The following PTPRT variants were observed in gnomAD, a reference collection of about 807,000 sequenced individuals.
The protein encoded by PTPRT is protein tyrosine phosphatase receptor type T, also known as receptor-type tyrosine-protein phosphatase T.
A neutral mutation model predicts 176.8 loss-of-function variants in PTPRT; 56 were observed. The observed-to-expected ratio is 0.32, with a 90% CI of 0.26 to 0.40. The LOEUF is 0.40. Among genes scored for constraint, PTPRT ranks in the 10% least tolerant of loss-of-function variants. The pLI is 1.00. For synonymous variants in PTPRT, 783 were observed against 739.0 expected (o/e 1.06, Z -0.96); for missense variants, 1,540 against 1,908.2 (o/e 0.81, Z 3.60).
chr20:42,292,532 C>T (rs1360537666), intron 12 of PTPRT, among the ~76,000 whole-genome samples: 4 of 151,950 alleles, frequency 2.6e-5, no homozygotes, highest in Non-Finnish European at 5.9e-5. Context: ...TTTTTTCTCA[C>T]AAGATTAAAT....
chr20:42,346,059 G>C (rs1312684008), intron 11 of PTPRT, among the ~76,000 whole-genome samples: 2 of 152,174 alleles, frequency 1.3e-5, no homozygotes, highest in Non-Finnish European at 2.9e-5. Context: ...GCTGCAGCAA[G>C]CACTCCAGCA....
intron 11 of PTPRT, among the ~76,000 whole-genome samples, chr20:42,327,080 G>GGGGT (rs1279798484): frequency 3.4e-5 from 5 of 146,332 alleles, no homozygotes; most frequent in African/African-American, 7.5e-5. Context: ...ACTAGGTAGG[G>GGGGT]GTGTGTGTGT....
chr20:42,935,746 CTTCTA>C (rs545149419), intron 1 of PTPRT, among the ~76,000 whole-genome samples: 157 of 152,198 alleles, frequency 1.0e-3, no homozygotes, highest in African/African-American at 3.7e-3. Flanking sequence ...CCAGTCTATT[CTTCTA>C]TTCTATTCTA....
At chr20:43,003,383 C>A (rs1984691050) in intron 1 of PTPRT, among the ~76,000 whole-genome samples, 1 of 152,018 alleles carries the variant, frequency 6.6e-6, no homozygotes, top group South Asian at 2.1e-4. Flanking sequence ...AGACTAGGGG[C>A]CGGTGGGAGG....
chr20:42,160,484 C>T (rs1300510715), intron 17 of PTPRT, among the ~76,000 whole-genome samples: 1 of 93,288 alleles, frequency 1.1e-5, no homozygotes, highest in Non-Finnish European at 2.0e-5. Context: ...AATTGTTCTG[C>T]AAAATAAAAG....
chr20:42,538,688 A>G (rs572537051), intron 7 of PTPRT, among the ~76,000 whole-genome samples: 1 of 152,314 alleles, frequency 6.6e-6, no homozygotes, highest in Admixed American at 6.5e-5. Context: ...ATGCTCTCAT[A>G]CATTCCTCTT....
intron 6 of PTPRT, among the ~76,000 whole-genome samples, chr20:42,714,395 T>G (rs2076192659): frequency 6.6e-6 from 1 of 152,162 alleles, no homozygotes; most frequent in Admixed American, 6.5e-5. Flanking sequence ...ACTTATTATT[T>G]ATGTACAAAT....
chr20:42,512,945 C>T (rs562887807), intron 7 of PTPRT, among the ~76,000 whole-genome samples: 7 of 152,154 alleles, frequency 4.6e-5, no homozygotes, highest in Admixed American at 1.3e-4. Context: ...CCACAACCTC[C>T]GCCTCCTGGG....
At chr20:42,724,587 C>G (rs78815223) in intron 6 of PTPRT, among the ~76,000 whole-genome samples, 1,770 of 152,310 alleles carry the variant, frequency 0.012, 36 homozygotes, top group African/African-American at 0.041. Flanking sequence ...TTGTCCCTGG[C>G]TGCCTCCTCA....
At chr20:42,401,175 T>A (rs931326116) in intron 9 of PTPRT, among the ~76,000 whole-genome samples, 1 of 142,706 alleles carries the variant, frequency 7.0e-6, no homozygotes, top group African/African-American at 2.5e-5. Context: ...AAACAAACCT[T>A]TATTTAAAAA....
At chr20:42,411,444 G>C (rs979975914) in intron 9 of PTPRT, among the ~76,000 whole-genome samples, 10 of 147,348 alleles carry the variant, frequency 6.8e-5, no homozygotes, top group African/African-American at 1.0e-4. Flanking sequence ...TTGAACCAGG[G>C]AGGCAGAGGT....
intron 6 of PTPRT, among the ~76,000 whole-genome samples, chr20:42,700,153 G>A (rs1445668856): frequency 6.6e-6 from 1 of 152,150 alleles, no homozygotes; most frequent in Non-Finnish European, 1.5e-5. Context: ...CCTAGCGTTT[G>A]GGGATTTTTC....
intron 9 of PTPRT, among the ~76,000 whole-genome samples, chr20:42,447,334 A>G (rs1306036216): frequency 6.6e-6 from 1 of 152,096 alleles, no homozygotes; most frequent in Non-Finnish European, 1.5e-5. Context: ...TGAGGCTTAA[A>G]GAGAGGAGGA....
chr20:42,989,009 G>A (rs1239735981), intron 1 of PTPRT, among the ~76,000 whole-genome samples: 1 of 152,184 alleles, frequency 6.6e-6, no homozygotes, highest in East Asian at 1.9e-4. Flanking sequence ...AAGGTCTCAG[G>A]ATAACATCAC....
At chr20:42,510,226 C>A (rs1206556217) in intron 7 of PTPRT, among the ~76,000 whole-genome samples, 2 of 151,996 alleles carry the variant, frequency 1.3e-5, no homozygotes, top group African/African-American at 2.4e-5. Flanking sequence ...CAATACCTAA[C>A]CCCCCTTGAA....
chr20:42,293,089 C>T (rs1261014613), intron 12 of PTPRT, among the ~76,000 whole-genome samples: 1 of 152,202 alleles, frequency 6.6e-6, no homozygotes, highest in African/African-American at 2.4e-5. Flanking sequence ...AGGCATTAGG[C>T]TCCACTTGAG....
At chr20:42,400,774 G>A (rs1279081133) in intron 9 of PTPRT, among the ~76,000 whole-genome samples, 1 of 152,196 alleles carries the variant, frequency 6.6e-6, no homozygotes, top group Non-Finnish European at 1.5e-5. Flanking sequence ...TGGAGTTATG[G>A]AGGGAATTAG....
intron 1 of PTPRT, among the ~76,000 whole-genome samples, chr20:43,166,062 C>G (rs1201754470): frequency 1.3e-5 from 2 of 152,136 alleles, no homozygotes; most frequent in Non-Finnish European, 2.9e-5. Flanking sequence ...TGGTGGCACG[C>G]ACCTGTAATC....
chr20:43,150,234 C>T (rs1412034592), intron 1 of PTPRT, among the ~76,000 whole-genome samples: 1 of 152,180 alleles, frequency 6.6e-6, no homozygotes, highest in Non-Finnish European at 1.5e-5. Flanking sequence ...AAAGGCTGCC[C>T]TCTCCAGTGT....
Sources: gnomAD v4.1 joint callset for allele counts (sites outside exome capture counted in the v4.1 genomes callset) on GRCh38, gnomAD v4.1.1 for gene constraint, MANE v1.5 for transcripts, NCBI Gene and HGNC (gene_info 2026-07-23, HGNC 2026-07-21) for gene names.